POU6F2: variants seen among roughly 807,000 people sequenced by gnomAD.
POU6F2 encodes the protein POU class 6 homeobox 2.
POU6F2 carries 31 observed loss-of-function variants against 71.3 expected under a neutral mutation model. The observed-to-expected ratio is 0.43, with a 90% CI of 0.33 to 0.59. The LOEUF is 0.59. Among genes scored for constraint, POU6F2 ranks in the 20% least tolerant of loss-of-function variants. POU6F2 has a pLI of 0.04. For missense variants in POU6F2, 783 were observed against 856.8 expected, an observed-to-expected ratio of 0.91 and a Z score of 1.07; for synonymous variants, 347 against 355.7, an observed-to-expected ratio of 0.98 and a Z score of 0.27.
At chr7:39,061,284 GC>G (rs1790651087) in intron 1 of POU6F2, among the ~76,000 whole-genome samples, 1 of 152,084 alleles carries the variant, frequency 6.6e-6, no homozygotes, top group South Asian at 2.1e-4. Flanking sequence ...TATGAAGAAA[GC>G]AAGAAACATG....
intron 1 of POU6F2, among the ~76,000 whole-genome samples, chr7:39,021,161 G>A (rs1789672210): frequency 6.6e-6 from 1 of 151,670 alleles, no homozygotes; most frequent in African/African-American, 2.4e-5. Context: ...ATATATTTAT[G>A]GGGTACACTG....
At chr7:38,999,187 A>G (rs913185172) in intron 1 of POU6F2, among the ~76,000 whole-genome samples, 4 of 152,148 alleles carry the variant, frequency 2.6e-5, no homozygotes, top group African/African-American at 9.7e-5. Flanking sequence ...AATGTGGAAT[A>G]TACTGTTTGG....
rs1789501708 is a variant in POU6F2, at chr7:39,015,886, A to ATATATTATATATAGATATATATTATATAT, written c.105+37834_105+37862dup. ...AATATATTATATATAGATATATATT[A>ATATATTATATATAGATATATATTATATAT]TATATTATATATAGATATATATTAT... On this transcript the variant is annotated intron_variant, in intron 1 of 9. Coordinates refer to ENST00000518318, the MANE Select transcript of POU6F2 (RefSeq NM_001370959.1). 2.3e-5 allele frequency among the ~76,000 whole-genome samples: 2 copies of ATATATTATATATAGATATATATTATATAT among 86,980 alleles called. 1 individual carries two copies. The highest frequency in any genetic ancestry group is 9.7e-5 in the African/African-American group (2 of 20,658). The allele number at this position is 86,980 out of a possible 152,430, so 57.1% of individuals were successfully genotyped here. A position where few individuals can be genotyped will look rare whatever the true frequency, so the allele number is the denominator to read the frequency against.
intron 4 of POU6F2, among the ~76,000 whole-genome samples, chr7:39,244,637 C>T (rs1259575536): frequency 2.0e-5 from 3 of 152,174 alleles, no homozygotes; most frequent in Admixed American, 2.0e-4. Flanking sequence ...TGTACACTCA[C>T]ACACACGCAT....
intron 5 of POU6F2, 170 bp from the exon 6 acceptor site, chr7:39,406,430 C>T: frequency 1.4e-6 from 1 of 695,810 alleles, no homozygotes; most frequent in Non-Finnish European, 2.4e-6. Flanking sequence ...TCCATCATCC[C>T]CCTACCCCAG....
At chr7:39,184,459 ACG>A (rs1793492766) in intron 2 of POU6F2, among the ~76,000 whole-genome samples, 1 of 152,212 alleles carries the variant, frequency 6.6e-6, no homozygotes, top group Non-Finnish European at 1.5e-5. Context: ...GCCTAAATTT[ACG>A]CCCAGCACAT....
intron 2 of POU6F2, among the ~76,000 whole-genome samples, chr7:39,092,843 T>A (rs1468143320): frequency 6.6e-6 from 1 of 152,180 alleles, no homozygotes; most frequent in Non-Finnish European, 1.5e-5. Context: ...TCAGAAAGAA[T>A]AACATTAGAT....
At chr7:39,403,218 C>G (rs890222831) in intron 5 of POU6F2, among the ~76,000 whole-genome samples, 2 of 152,166 alleles carry the variant, frequency 1.3e-5, no homozygotes, top group Non-Finnish European at 2.9e-5. Context: ...GTTGTATTCT[C>G]TAAAATTCCA....
chr7:39,406,565 G>T (rs939709924), intron 5 of POU6F2, 35 bp from the exon 6 acceptor site: 5 of 1,606,094 alleles, frequency 3.1e-6, no homozygotes, highest in South Asian at 1.1e-5. Flanking sequence ...TGTGCCTCTC[G>T]GTGGTTTTCA....
Position 39,132,933 on chromosome 7 carries a change from C to G in POU6F2, c.277+46902C>G, listed in dbSNP as rs554712742. ...CTAGTTTAAAGTTAAGATATGATGT[C>G]GAACTAACATCTGTCTCTATTAAGA... On this transcript the variant is annotated intron_variant, in intron 2 of 9. Coordinates refer to ENST00000518318, the MANE Select transcript of POU6F2 (RefSeq NM_001370959.1). 1.3e-4 allele frequency among the ~76,000 whole-genome samples: 20 copies of G among 152,140 alleles called. No homozygotes were observed. In the South Asian group the frequency reaches 1.7e-3, roughly 13 times the overall value.
At chr7:38,980,151 T>G (rs1484432032) in intron 1 of POU6F2, among the ~76,000 whole-genome samples, 1 of 152,174 alleles carries the variant, frequency 6.6e-6, no homozygotes, top group Non-Finnish European at 1.5e-5. Context: ...ACATTGTAAA[T>G]AGTTGCATCA....
intron 4 of POU6F2, among the ~76,000 whole-genome samples, chr7:39,315,569 G>A (rs1258254997): frequency 6.6e-6 from 1 of 152,212 alleles, no homozygotes; most frequent in African/African-American, 2.4e-5. Context: ...CCGGCAGGCA[G>A]CCTTACTATC....
chr7:39,299,660 G>A (rs1283742045), intron 4 of POU6F2, among the ~76,000 whole-genome samples: 2 of 152,186 alleles, frequency 1.3e-5, no homozygotes, highest in African/African-American at 2.4e-5. Flanking sequence ...TAAATAAACC[G>A]GATTTAAGGA....
intron 4 of POU6F2, among the ~76,000 whole-genome samples, chr7:39,277,280 G>A (rs1245410458): frequency 6.6e-6 from 1 of 151,966 alleles, no homozygotes; most frequent in Non-Finnish European, 1.5e-5. Flanking sequence ...GATTCAAGGG[G>A]TACATGTGCA....
At chr7:39,207,282 G>T in intron 3 of POU6F2, 110 bp from the exon 4 acceptor site, 1 of 970,888 alleles carries the variant, frequency 1.0e-6, no homozygotes, top group Admixed American at 2.5e-5. Context: ...CATGTTTTTT[G>T]GTACTTCTTC....
chr7:39,406,507 G>A, intron 5 of POU6F2, 93 bp from the exon 6 acceptor site: 2 of 1,462,368 alleles, frequency 1.4e-6, no homozygotes, highest in South Asian at 1.3e-5. Context: ...AGCGAATTGA[G>A]GCGAGAACTA....
intron 2 of POU6F2, among the ~76,000 whole-genome samples, chr7:39,162,340 G>A (rs147012425): frequency 2.6e-5 from 4 of 152,310 alleles, no homozygotes; most frequent in Admixed American, 6.5e-5. Flanking sequence ...AGTGGTACAC[G>A]TTCAGTAAGC....
chr7:39,239,772 T>C (rs776309256), intron 4 of POU6F2, among the ~76,000 whole-genome samples: 20 of 152,144 alleles, frequency 1.3e-4, no homozygotes, highest in Admixed American at 7.2e-4. Context: ...ACAACTGTTT[T>C]CCTTAGGGCC....
chr7:39,095,898 A>AT (rs1314036503), intron 2 of POU6F2, among the ~76,000 whole-genome samples: 2 of 152,190 alleles, frequency 1.3e-5, no homozygotes, highest in Admixed American at 1.3e-4. Flanking sequence ...AGAAATAAGC[A>AT]TTTTTTAATA....
Sources: allele counts gnomAD v4.1 joint callset (sites outside exome capture counted in the v4.1 genomes callset), GRCh38; gene constraint gnomAD v4.1.1; transcripts MANE v1.5; gene names NCBI Gene and HGNC (gene_info 2026-07-23, HGNC 2026-07-21).